The following BTRC variants were observed in gnomAD, a reference collection of about 807,000 sequenced individuals.
BTRC encodes F-box/WD repeat-containing protein 1A.
BTRC carries 42 observed loss-of-function variants against 85.5 expected under a neutral mutation model. The observed-to-expected ratio is 0.49, with a 90% CI of 0.38 to 0.64. BTRC has a LOEUF of 0.64. Among genes scored for constraint, BTRC ranks in the 30% least tolerant of loss-of-function variants. BTRC has a pLI of 0.00. For synonymous variants in BTRC, 255 were observed against 263.3 expected (o/e 0.97, Z 0.30); for missense variants, 594 against 743.5 (o/e 0.80, Z 2.34).
At chr10:101,542,667 G>T (rs1157582195) in intron 13 of BTRC, among the ~76,000 whole-genome samples, 2 of 152,152 alleles carry the variant, frequency 1.3e-5, no homozygotes, top group African/African-American at 4.8e-5. Flanking sequence ...AACCTCCCAG[G>T]CTCTGTCAAT....
rs1401642159 is a variant in BTRC, at chr10:101,366,780, A to ATT, written c.48+12553_48+12554insTT. 3.5e-3 allele frequency among the ~76,000 whole-genome samples: 361 copies of ATT among 103,268 alleles called. 7 individuals carry two copies. The highest frequency in any genetic ancestry group is 5.2e-3 in the Non-Finnish European group (276 of 52,806). 67.7% of individuals were successfully genotyped at this position (103,268 alleles called of 152,430 possible). A position where few individuals can be genotyped will look rare whatever the true frequency, so the allele number is the denominator to read the frequency against. On this transcript the variant is annotated intron_variant, in intron 1 of 14. Transcript: ENST00000370187. ...ACTTAATCTAGTTATATATATATAT[A>ATT]TATATATATTTTTACATTTATATAT...
At chr10:101,528,918 A>T (rs1307334877) in intron 6 of BTRC, among the ~76,000 whole-genome samples, 1 of 152,172 alleles carries the variant, frequency 6.6e-6, no homozygotes, top group Non-Finnish European at 1.5e-5. Context: ...GTTGTATTTT[A>T]TATCTAGATG....
intron 1 of BTRC, among the ~76,000 whole-genome samples, chr10:101,380,257 G>T (rs940741635): frequency 1.3e-5 from 2 of 152,086 alleles, no homozygotes; most frequent in South Asian, 2.1e-4. Flanking sequence ...GTACCTCAAA[G>T]AGCTGTTATG....
chr10:101,387,314 T>G (rs1413069257), intron 1 of BTRC, among the ~76,000 whole-genome samples: 1 of 151,676 alleles, frequency 6.6e-6, no homozygotes, highest in Non-Finnish European at 1.5e-5. Flanking sequence ...TCATTTATTT[T>G]TTTTTGTATT....
intron 3 of BTRC, among the ~76,000 whole-genome samples, chr10:101,465,792 G>A (rs115351147): frequency 6.3e-4 from 96 of 152,188 alleles, no homozygotes; most frequent in African/African-American, 2.0e-3. Context: ...CTGCTTTTTC[G>A]TTTCATTTCC....
chr10:101,470,482 G>A (rs1331107008), intron 3 of BTRC, among the ~76,000 whole-genome samples: 7 of 151,890 alleles, frequency 4.6e-5, no homozygotes, highest in African/African-American at 1.7e-4. Context: ...ACAGGCATGC[G>A]CCACCACATG....
chr10:101,423,306 G>T (rs1384906809), intron 1 of BTRC, among the ~76,000 whole-genome samples: 1 of 152,142 alleles, frequency 6.6e-6, no homozygotes, highest in Non-Finnish European at 1.5e-5. Flanking sequence ...ACAATGAATT[G>T]TTAGACTGAC....
At chr10:101,357,231 A>G (rs1223612691) in intron 1 of BTRC, among the ~76,000 whole-genome samples, 1 of 151,852 alleles carries the variant, frequency 6.6e-6, no homozygotes, top group African/African-American at 2.4e-5. Context: ...ACACGAGGTC[A>G]GGAGATTGAG....
Position 101,556,437 on chromosome 10 carries a change from T to C in BTRC, c.*3314T>C, listed in dbSNP as rs184582849. 6.6e-6 allele frequency: 1 copy of C among 152,300 alleles called. No individual in the cohort carries two copies. Among genetic ancestry groups the C allele is most frequent in the East Asian group, 1.9e-4 (1 of 5,184 alleles). The allele number at this position is 152,300 out of a possible 1,614,324, so 9.4% of individuals were successfully genotyped here. A position where few individuals can be genotyped will look rare whatever the true frequency, so the allele number is the denominator to read the frequency against. On this transcript the variant is annotated 3_prime_UTR_variant, in exon 15 of 15. Coordinates refer to ENST00000370187, the MANE Select transcript of BTRC (RefSeq NM_033637.4). ...ACTAGATACCTTGGTACTGTTGACC[T>C]TCTCAGCATCTCCCTTTTGCCTTAG...
At chr10:101,466,029 A>G (rs921968088) in intron 3 of BTRC, among the ~76,000 whole-genome samples, 3 of 152,192 alleles carry the variant, frequency 2.0e-5, no homozygotes, top group Non-Finnish European at 2.9e-5. Flanking sequence ...CCTATCTGCA[A>G]TCAAGGGCAA....
chr10:101,493,329 A>T (rs1409904540), intron 4 of BTRC, among the ~76,000 whole-genome samples: 2 of 152,244 alleles, frequency 1.3e-5, no homozygotes, highest in African/African-American at 2.4e-5. Flanking sequence ...AATGTTTATG[A>T]TGTACTAGGC....
rs535440187 is a variant in BTRC at position 101,556,260 on chromosome 10, A to G, written c.*3137A>G. On this transcript the variant is annotated 3_prime_UTR_variant, in exon 15 of 15. Coordinates refer to ENST00000370187, the MANE Select transcript of BTRC (RefSeq NM_033637.4). ...TAAAGCTACAGAGAAAAAAAAATGC[A>G]CTCTTCCCTTGCCGGCTCCTGGTAC... 1.3e-5 allele frequency: 2 copies of G among 150,798 alleles called. No individual in the cohort carries two copies. Among genetic ancestry groups the G allele is most frequent in the East Asian group, 3.9e-4 (2 of 5,116 alleles). 9.3% of individuals were successfully genotyped at this position (150,798 alleles called of 1,614,324 possible).
At chr10:101,418,568 C>T (rs1442588143) in intron 1 of BTRC, among the ~76,000 whole-genome samples, 1 of 151,818 alleles carries the variant, frequency 6.6e-6, no homozygotes, top group Non-Finnish European at 1.5e-5. Flanking sequence ...AAAATGACAG[C>T]ATGATATACC....
chr10:101,475,400 C>A (rs1033785194), intron 3 of BTRC, among the ~76,000 whole-genome samples: 2 of 152,126 alleles, frequency 1.3e-5, no homozygotes, highest in African/African-American at 2.4e-5. Context: ...ATTAGCCGGC[C>A]GTGGTGGCAC....
intron 1 of BTRC, among the ~76,000 whole-genome samples, chr10:101,397,166 T>G (rs997985551): frequency 2.0e-5 from 3 of 152,242 alleles, no homozygotes; most frequent in Admixed American, 1.3e-4. Flanking sequence ...ATAAATTCTC[T>G]TATTTACTTT....
intron 3 of BTRC, among the ~76,000 whole-genome samples, chr10:101,472,526 G>C (rs1252111598): frequency 1.3e-5 from 2 of 151,560 alleles, no homozygotes; most frequent in East Asian, 3.9e-4. Flanking sequence ...TAAAAATATT[G>C]TTCCCAGCTG....
intron 1 of BTRC, among the ~76,000 whole-genome samples, chr10:101,415,203 A>G (rs985517832): frequency 5.9e-5 from 9 of 151,794 alleles, no homozygotes; most frequent in African/African-American, 1.5e-4. Context: ...TTTTGAGACA[A>G]GGTCTTCTGT....
At chr10:101,415,682 C>T (rs969215274) in intron 1 of BTRC, among the ~76,000 whole-genome samples, 2 of 151,320 alleles carry the variant, frequency 1.3e-5, no homozygotes, top group Admixed American at 6.6e-5. Flanking sequence ...GCTGGGATTA[C>T]AGGCATGCGC....
chr10:101,456,966 G>T (rs1424205050), intron 2 of BTRC, among the ~76,000 whole-genome samples: 1 of 152,038 alleles, frequency 6.6e-6, no homozygotes, highest in Non-Finnish European at 1.5e-5. Context: ...TTATTCATAG[G>T]GGGTATGTTC....
Sources: gnomAD v4.1 joint callset for allele counts (sites outside exome capture counted in the v4.1 genomes callset) on GRCh38, gnomAD v4.1.1 for gene constraint, MANE v1.5 for transcripts, NCBI Gene and HGNC (gene_info 2026-07-23, HGNC 2026-07-21) for gene names.